The following CEP57L1 variants were observed in gnomAD, a reference collection of about 807,000 sequenced individuals.
The protein encoded by CEP57L1 is centrosomal protein CEP57L1.
In CEP57L1, 37 loss-of-function variants were observed where a neutral mutation model predicts 61.0. The ratio of observed to expected loss-of-function variants is 0.61; its 90% CI spans 0.47 to 0.80. CEP57L1 has a LOEUF of 0.80. Among genes scored for constraint, CEP57L1 ranks in the 30% least tolerant of loss-of-function variants. The probability of loss-of-function intolerance (pLI) is 0.00; values close to 1 mark genes in which losing one functional copy is unlikely to be tolerated. For synonymous variants in CEP57L1, 137 were observed against 162.3 expected (o/e 0.84, Z 1.19); for missense variants, 422 against 524.7 (o/e 0.80, Z 1.91).
chr6:109,098,256 T>G (rs1250354692), intron 1 of CEP57L1, among the ~76,000 whole-genome samples: 1 of 152,122 alleles, frequency 6.6e-6, no homozygotes, highest in South Asian at 2.1e-4. Flanking sequence ...TAAGTGATTC[T>G]TCGTCCTCGG....
rs962809081 is a variant in CEP57L1 at position 109,168,664 on chromosome 6, C to T, written c.*5694C>T. 2.8e-5 allele frequency among the ~76,000 whole-genome samples: 4 copies of T among 145,374 alleles called. No homozygotes were observed. The highest frequency in any genetic ancestry group is 6.0e-5 in the Non-Finnish European group (4 of 67,190). On this transcript the variant is annotated 3_prime_UTR_variant, in exon 11 of 11. Transcript: ENST00000517392. ...AGGCTGGAGTGCAATGGTACAATCT[C>T]GTCTCACTGCAACCTCCACCTCCCA...
At chr6:109,146,704 T>G (rs1771999392) in intron 2 of CEP57L1, 54 bp from the exon 3 acceptor site, 1 of 1,189,028 alleles carries the variant, frequency 8.4e-7, no homozygotes, top group Admixed American at 3.1e-5. Context: ...TTACTTTGAT[T>G]GTAAGTGTTC....
chr6:109,147,798 C>T (rs973873940), intron 3 of CEP57L1, among the ~76,000 whole-genome samples: 8 of 152,126 alleles, frequency 5.3e-5, no homozygotes, highest in Non-Finnish European at 8.8e-5. Context: ...AACTTTCAGC[C>T]TCTGTTTTTC....
chr6:109,102,967 A>G (rs1361962195), intron 1 of CEP57L1, among the ~76,000 whole-genome samples: 3 of 152,144 alleles, frequency 2.0e-5, no homozygotes, highest in Non-Finnish European at 4.4e-5. Context: ...TGTAAGTGAA[A>G]ATTGTTAGGA....
chr6:109,164,912 C>G lies in CEP57L1; in HGVS notation c.*1942C>G, dbSNP rs1468119173. Among the ~76,000 whole-genome samples the G allele has an allele frequency of 1.3e-5, 2 of 151,892 alleles. No individual in the cohort carries two copies. The highest frequency in any genetic ancestry group is 2.9e-5 in the Non-Finnish European group (2 of 67,984). The stretch of plus-strand genomic sequence containing the variant: ...CTGGCCAACATGTGAAACCCTGTCT[C>G]TACTAAATTACAAAAATTAGCCGGG... On this transcript the variant is annotated 3_prime_UTR_variant, in exon 11 of 11. Coordinates refer to ENST00000517392, the MANE Select transcript of CEP57L1 (RefSeq NM_001271852.3).
intron 1 of CEP57L1, among the ~76,000 whole-genome samples, chr6:109,118,929 G>A (rs1583442179): frequency 6.6e-6 from 1 of 152,182 alleles, no homozygotes; most frequent in African/African-American, 2.4e-5. Context: ...GAGGCGTGCA[G>A]TTCAGTGGGG....
intron 1 of CEP57L1, among the ~76,000 whole-genome samples, chr6:109,120,301 A>G (rs973280771): frequency 1.3e-5 from 2 of 152,212 alleles, no homozygotes; most frequent in African/African-American, 4.8e-5. Flanking sequence ...ACAAAAATTC[A>G]TATGAAGGTA....
In CEP57L1 at chr6:109,145,204, C is replaced by A. The variant is rs936588519; in HGVS notation, c.-3-15C>A. On this transcript the variant is annotated splice_polypyrimidine_tract_variant and intron_variant, in intron 1 of 10. Coordinates refer to ENST00000517392, the MANE Select transcript of CEP57L1 (RefSeq NM_001271852.3). ...AGGAAAGCATGATACTATATCATTC[C>A]TTTATTCTCTACAGATAATGGATTC... 1 of 1,501,108 alleles carries A rather than the reference C, an allele frequency of 6.7e-7. No homozygotes were observed. Among genetic ancestry groups the A allele is most frequent in the South Asian group, 1.3e-5 (1 of 75,790 alleles). The allele number at this position is 1,501,108 out of a possible 1,614,324, so 93.0% of individuals were successfully genotyped here. A position where few individuals can be genotyped will look rare whatever the true frequency, so the allele number is the denominator to read the frequency against.
intron 1 of CEP57L1, among the ~76,000 whole-genome samples, chr6:109,105,813 CA>C (rs1409668685): frequency 6.6e-6 from 1 of 152,156 alleles, no homozygotes. Flanking sequence ...GACCACACAG[CA>C]GGGGTGAGCA....
intron 4 of CEP57L1, among the ~76,000 whole-genome samples, chr6:109,153,263 A>G (rs187033234): frequency 0.01 from 1,067 of 105,676 alleles, 20 homozygotes; most frequent in African/African-American, 0.039. Context: ...TTTTTTTGAG[A>G]CAAGGTCTCA....
At chr6:109,108,084 A>G (rs1428630703) in intron 1 of CEP57L1, among the ~76,000 whole-genome samples, 1 of 152,176 alleles carries the variant, frequency 6.6e-6, no homozygotes, top group East Asian at 1.9e-4. Context: ...AAGTTAAGCT[A>G]CTAATTAGGA....
intron 1 of CEP57L1, among the ~76,000 whole-genome samples, chr6:109,108,420 C>T (rs1379563818): frequency 6.6e-6 from 1 of 151,980 alleles, no homozygotes; most frequent in Non-Finnish European, 1.5e-5. Context: ...CTATTTTGGC[C>T]AGGCTGGTCT....
intron 1 of CEP57L1, among the ~76,000 whole-genome samples, chr6:109,116,533 T>A (rs1240137938): frequency 5.3e-5 from 8 of 152,178 alleles, no homozygotes; most frequent in Non-Finnish European, 1.5e-5. Flanking sequence ...TTGATATATA[T>A]GTTACTTTAT....
intron 1 of CEP57L1, among the ~76,000 whole-genome samples, chr6:109,122,773 C>T (rs1039686172): frequency 2.0e-5 from 3 of 152,048 alleles, no homozygotes; most frequent in African/African-American, 7.2e-5. Context: ...TGCCATTGCA[C>T]TCCAGCCTGG....
Position 109,167,948 on chromosome 6 carries a change from G to T in CEP57L1, c.*4978G>T, listed in dbSNP as rs1360988526. ...GAATTCCGTTTTCAAGTTGCTTATA[G>T]TCTTGAGGAGAGATAAGATGTATAT... On this transcript the variant is annotated 3_prime_UTR_variant, in exon 11 of 11. Coordinates refer to ENST00000517392, the MANE Select transcript of CEP57L1 (RefSeq NM_001271852.3). 6.6e-6 allele frequency among the ~76,000 whole-genome samples: 1 copy of T among 152,206 alleles called. No individual in the cohort carries two copies. Among genetic ancestry groups the T allele is most frequent in the African/African-American group, 2.4e-5 (1 of 41,450 alleles).
At chr6:109,105,665 C>T (rs1165243708) in intron 1 of CEP57L1, among the ~76,000 whole-genome samples, 3 of 152,008 alleles carry the variant, frequency 2.0e-5, no homozygotes, top group Admixed American at 1.3e-4. Context: ...TGCCATTATC[C>T]CTATGATTCA....
At chr6:109,160,451 T>G in intron 9 of CEP57L1, 121 bp from the exon 10 acceptor site, 1 of 716,304 alleles carries the variant, frequency 1.4e-6, no homozygotes, top group South Asian at 1.9e-5. Flanking sequence ...AGAGGCTGTT[T>G]TTAAAGGTTA....
At chr6:109,152,983 C>G (rs141326922) in intron 4 of CEP57L1, among the ~76,000 whole-genome samples, 2 of 151,352 alleles carry the variant, frequency 1.3e-5, no homozygotes, top group East Asian at 3.9e-4. Context: ...TGGTGGCAGG[C>G]GCCTGTAATC....
At position 109,147,233 on chromosome 6, in the gene CEP57L1, A is replaced by G. The variant is rs531669831; in HGVS notation, c.340+296A>G. Among the ~76,000 whole-genome samples, 35 of 152,202 alleles carry G rather than the reference A, an allele frequency of 2.3e-4. No homozygotes were observed. In the South Asian group the frequency reaches 6.8e-3, roughly 30 times the overall value. On this transcript the variant is annotated intron_variant, in intron 3 of 10. Transcript: ENST00000517392. The stretch of plus-strand genomic sequence containing the variant: ...TTTTCAGAATAGCCAACAAACTCCA[A>G]TTTAACCCGTAATTGAATATTTATT...
Sources: allele counts gnomAD v4.1 joint callset (sites outside exome capture counted in the v4.1 genomes callset), GRCh38; gene constraint gnomAD v4.1.1; transcripts MANE v1.5; gene names NCBI Gene and HGNC (gene_info 2026-07-23, HGNC 2026-07-21).